IGFL2: variants seen among roughly 807,000 people sequenced by gnomAD.
The protein encoded by IGFL2 is insulin growth factor-like family member 2.
IGFL2 carries 7 observed loss-of-function variants against 13.9 expected under a neutral mutation model. The ratio of observed to expected loss-of-function variants is 0.51; its 90% CI spans 0.29 to 0.95. IGFL2 has a LOEUF of 0.95. IGFL2 is among the 40% of genes least tolerant of loss of function. The pLI, the probability that IGFL2 is intolerant of heterozygous loss-of-function variation, is 0.08. For synonymous variants in IGFL2, 55 were observed against 55.8 expected, an observed-to-expected ratio of 0.99 and a Z score of 0.07; for missense variants, 138 against 147.8, an observed-to-expected ratio of 0.93 and a Z score of 0.34.
upstream of IGFL2, among the ~76,000 whole-genome samples, chr19:46,141,567 A>G (rs1404186661): frequency 6.6e-6 from 1 of 151,750 alleles, no homozygotes; most frequent in African/African-American, 2.4e-5. Flanking sequence ...CTCCACCTAC[A>G]CCCATGGTGG....
the IGFL2 span, among the ~76,000 whole-genome samples, chr19:46,133,943 A>G: frequency 0.42 from 63,868 of 151,840 alleles, 15,566 homozygotes; most frequent in Non-Finnish European, 0.57. Context: ...GGCAGCACAA[A>G]AGAGAAAGAA....
the IGFL2 span, among the ~76,000 whole-genome samples, chr19:46,105,549 G>A: frequency 6.6e-6 from 1 of 152,174 alleles, no homozygotes; most frequent in Non-Finnish European, 1.5e-5. Context: ...GGGGTATCAG[G>A]AATAATGTGG....
chr19:46,181,090 G>C, the IGFL2 span: 2 of 152,136 alleles, frequency 1.3e-5, no homozygotes, highest in African/African-American at 4.8e-5. Context: ...TCCCAACATT[G>C]AAACCTCCTT....
intron 1 of IGFL2, among the ~76,000 whole-genome samples, chr19:46,157,409 T>TA (rs979889510): frequency 6.6e-6 from 1 of 152,104 alleles, no homozygotes; most frequent in South Asian, 2.1e-4. Context: ...TTCAGCAATA[T>TA]AAAAAAATAC....
At chr19:46,173,930 T>C in the IGFL2 span, 1 of 152,248 alleles carries the variant, frequency 6.6e-6, no homozygotes, top group South Asian at 2.1e-4. Flanking sequence ...AGTTGTGTTC[T>C]TACCAAAACC....
At chr19:46,207,152 G>C in the IGFL2 span, 1 of 152,300 alleles carries the variant, frequency 6.6e-6, no homozygotes. Flanking sequence ...AGCTTCCCTG[G>C]CCTTCCTGGA....
chr19:46,170,501 A>G, the IGFL2 span, among the ~76,000 whole-genome samples: 4 of 152,208 alleles, frequency 2.6e-5, no homozygotes, highest in African/African-American at 7.2e-5. Flanking sequence ...GGGCACCTTA[A>G]GAACAGGATA....
chr19:46,211,643 C>T, the IGFL2 span: 1 of 152,206 alleles, frequency 6.6e-6, no homozygotes, highest in African/African-American at 2.4e-5. Flanking sequence ...TGTTCTCTCA[C>T]CCCGCTTCCT....
At chr19:46,201,823 G>T in the IGFL2 span, among the ~76,000 whole-genome samples, 5 of 152,126 alleles carry the variant, frequency 3.3e-5, no homozygotes, top group African/African-American at 9.7e-5. Flanking sequence ...GAATAGTCAG[G>T]GTAGTGGATA....
At chr19:46,187,383 G>A in the IGFL2 span, among the ~76,000 whole-genome samples, 2 of 148,708 alleles carry the variant, frequency 1.3e-5, no homozygotes, top group African/African-American at 5.0e-5. Context: ...CTGCTGGTGT[G>A]TGCTACCTGA....
chr19:46,187,618 G>A, the IGFL2 span, among the ~76,000 whole-genome samples: 1 of 133,996 alleles, frequency 7.5e-6, no homozygotes, highest in Non-Finnish European at 1.6e-5. Flanking sequence ...TTAAACCTGA[G>A]GTTGTGCTGC....
the IGFL2 span, among the ~76,000 whole-genome samples, chr19:46,109,464 G>A: frequency 3.9e-4 from 60 of 152,060 alleles, no homozygotes; most frequent in South Asian, 6.3e-4. Context: ...ACAGGTGCCC[G>A]CCACCACACC....
chr19:46,178,828 T>C, the IGFL2 span, among the ~76,000 whole-genome samples: 1 of 152,012 alleles, frequency 6.6e-6, no homozygotes, highest in Admixed American at 6.5e-5. Context: ...TCTTTGCCTG[T>C]AGCTTCTGTC....
At chr19:46,124,334 G>GA in the IGFL2 span, 5 of 1,604,058 alleles carry the variant, frequency 3.1e-6, no homozygotes, top group African/African-American at 1.4e-5. Flanking sequence ...AAGGGAGAAA[G>GA]GAAAAAGGTT....
chr19:46,143,323 A>G (rs1452686680), upstream of IGFL2: 1 of 152,052 alleles, frequency 6.6e-6, no homozygotes, highest in African/African-American at 2.4e-5. Context: ...CTATGTATTA[A>G]TTTACTGTTT....
chr19:46,125,614 T>TG, the IGFL2 span, among the ~76,000 whole-genome samples: 1 of 152,246 alleles, frequency 6.6e-6, no homozygotes, highest in African/African-American at 2.4e-5. Flanking sequence ...AGGGAAGAGT[T>TG]GCTGACTTAA....
At chr19:46,129,181 T>C in the IGFL2 span, among the ~76,000 whole-genome samples, 1 of 152,344 alleles carries the variant, frequency 6.6e-6, no homozygotes, top group South Asian at 2.1e-4. Flanking sequence ...GGGTTAGTGA[T>C]AATATCCCCC....
the IGFL2 span, among the ~76,000 whole-genome samples, chr19:46,193,030 A>C: frequency 6.6e-6 from 1 of 152,012 alleles, no homozygotes; most frequent in East Asian, 1.9e-4. Flanking sequence ...TCTCTACTAA[A>C]AAATTACAAA....
chr19:46,148,985 C>A, intron 1 of IGFL2: 1 of 1,599,492 alleles, frequency 6.3e-7, no homozygotes, highest in South Asian at 1.1e-5. Flanking sequence ...GCCAGGAAAT[C>A]ATGAGGTTCA....
Sources: allele counts gnomAD v4.1 joint callset (sites outside exome capture counted in the v4.1 genomes callset), GRCh38; gene constraint gnomAD v4.1.1; transcripts MANE v1.5; gene names NCBI Gene and HGNC (gene_info 2026-07-23, HGNC 2026-07-21).